The following THSD7A variants were observed in gnomAD, a reference collection of about 807,000 sequenced individuals.
THSD7A encodes the protein thrombospondin type-1 domain-containing protein 7A.
THSD7A carries 96 observed loss-of-function variants against 231.3 expected under a neutral mutation model. The observed-to-expected ratio is 0.41, with a 90% confidence interval of 0.35 to 0.49. The LOEUF (loss-of-function observed/expected upper bound fraction) is 0.49. Ranked by LOEUF, THSD7A falls within the 20% of genes least tolerant of loss-of-function variation. The pLI, the probability that THSD7A is intolerant of heterozygous loss-of-function variation, is 0.05. For missense variants in THSD7A, 2,290 were observed against 2,070.2 expected (o/e 1.11, Z -2.06); for synonymous variants, 940 against 743.3 (o/e 1.26, Z -4.30).
Position 11,832,049 on chromosome 7 carries a change from T to G in THSD7A, c.-103A>C. 6 of 745,610 alleles carry G rather than the reference T, an allele frequency of 8.0e-6. No individual in the cohort carries two copies. The highest frequency in any genetic ancestry group is 6.6e-5 in the South Asian group (1 of 15,180). 46.2% of individuals were successfully genotyped at this position (745,610 alleles called of 1,614,324 possible). The stretch of plus-strand genomic sequence containing the variant: ...TCAAAGAGTACAGAAAGCAAAGCTC[T>G]TTCCTGCTATTGTTCGCTTCAGATG... On this transcript the variant is annotated 5_prime_UTR_variant, in exon 1 of 28. Coordinates refer to ENST00000423059, the MANE Select transcript of THSD7A (RefSeq NM_015204.3).
chr7:11,601,730 T>C (rs1048741091), intron 2 of THSD7A, among the ~76,000 whole-genome samples: 6 of 152,188 alleles, frequency 3.9e-5, no homozygotes, highest in African/African-American at 1.2e-4. Context: ...GTGTGACTTA[T>C]GGTAGACGTC....
chr7:11,735,138 T>C (rs1194304696), intron 1 of THSD7A, among the ~76,000 whole-genome samples: 2 of 151,946 alleles, frequency 1.3e-5, no homozygotes. Context: ...TCTTGGAGTG[T>C]CACCAAATCA....
rs1038688962 is a variant in THSD7A at position 11,831,339 on chromosome 7, T to C, written c.190+418A>G. Among the ~76,000 whole-genome samples the C allele has an allele frequency of 2.1e-4, 32 of 152,202 alleles. No homozygotes were observed. The highest frequency in any genetic ancestry group is 7.7e-4 in the African/African-American group (32 of 41,448). On this transcript the variant is annotated intron_variant, in intron 1 of 27. Transcript: ENST00000423059. The surrounding 1 kb of genome is among the most constrained non-coding windows in gnomAD (Gnocchi z 5.0). ...ATATCACAAAGCTAAAGTTAACAAATTCAACTCTATATCCACAAATGTCAT... is the reference window on the plus strand; with the variant it reads ...ATATCACAAAGCTAAAGTTAACAAACTCAACTCTATATCCACAAATGTCAT...
At chr7:11,738,720 C>T (rs184261556) in intron 1 of THSD7A, among the ~76,000 whole-genome samples, 53 of 152,066 alleles carry the variant, frequency 3.5e-4, no homozygotes, top group Admixed American at 3.5e-3. Context: ...TTTGAAGATG[C>T]TATGCCACTG....
intron 6 of THSD7A, among the ~76,000 whole-genome samples, chr7:11,489,624 T>C (rs1011346587): frequency 3.9e-5 from 6 of 152,022 alleles, no homozygotes; most frequent in Non-Finnish European, 7.4e-5. Flanking sequence ...GGACTAATCA[T>C]AGAGAAAAGC....
At chr7:11,674,795 A>C (rs1462518744) in intron 1 of THSD7A, among the ~76,000 whole-genome samples, 1 of 152,218 alleles carries the variant, frequency 6.6e-6, no homozygotes, top group Non-Finnish European at 1.5e-5. Flanking sequence ...CTAGAACCCT[A>C]GCAATGGATT....
chr7:11,721,547 C>A (rs6977419), intron 1 of THSD7A, among the ~76,000 whole-genome samples: 60,649 of 150,136 alleles, frequency 0.4, 12,566 homozygotes, highest in South Asian at 0.51. Context: ...CTCTTTTCTT[C>A]ATAAGTTACC....
intron 6 of THSD7A, among the ~76,000 whole-genome samples, chr7:11,505,079 G>T (rs1405168804): frequency 6.6e-6 from 1 of 152,122 alleles, no homozygotes; most frequent in African/African-American, 2.4e-5. Context: ...GGTTCGGTAG[G>T]AAGTTAAGCA....
At chr7:11,487,710 G>A (rs532823360) in intron 6 of THSD7A, among the ~76,000 whole-genome samples, 4 of 152,126 alleles carry the variant, frequency 2.6e-5, no homozygotes, top group Non-Finnish European at 5.9e-5. Context: ...GAGAGCTTGT[G>A]CAGGGGAACT....
intron 9 of THSD7A, among the ~76,000 whole-genome samples, chr7:11,463,760 C>A (rs1047610459): frequency 3.9e-5 from 6 of 152,096 alleles, no homozygotes; most frequent in Non-Finnish European, 8.8e-5. Flanking sequence ...ATGCCAGCTG[C>A]AACTTTTACA....
intron 1 of THSD7A, among the ~76,000 whole-genome samples, chr7:11,698,782 T>C (rs940448336): frequency 5.9e-5 from 9 of 151,318 alleles, no homozygotes; most frequent in Admixed American, 2.6e-4. Flanking sequence ...ATTTCAGAAA[T>C]GGTAATGTGA....
chr7:11,434,118 AT>A (rs577816543), intron 13 of THSD7A, among the ~76,000 whole-genome samples: 51 of 152,122 alleles, frequency 3.4e-4, no homozygotes, highest in Non-Finnish European at 5.4e-4. Context: ...TGCTCAGATC[AT>A]TTTTTAGGGC....
rs554703162 is a variant in THSD7A at position 11,644,039 on chromosome 7, T to C, written c.191-7078A>G. Among the ~76,000 whole-genome samples, 795 of 116,124 alleles carry C rather than the reference T, an allele frequency of 6.8e-3. 5 individuals are homozygous for C. The highest frequency in any genetic ancestry group is 0.012 in the Middle Eastern group (3 of 252). The allele number at this position is 116,124 out of a possible 152,430, so 76.2% of individuals were successfully genotyped here. A position where few individuals can be genotyped will look rare whatever the true frequency, so the allele number is the denominator to read the frequency against. On this transcript the variant is annotated intron_variant, in intron 1 of 27. Transcript: ENST00000423059. Reference sequence around the variant, plus strand: ...TGTGCTTATTTTCTTGGAGGGTTCATCCTTTGACTAAAAAAAAAAAAAAAC... The same window carrying C: ...TGTGCTTATTTTCTTGGAGGGTTCACCCTTTGACTAAAAAAAAAAAAAAAC...
rs1780915844 is a variant in THSD7A at position 11,710,445 on chromosome 7, A to C, written c.191-73484T>G. Among the ~76,000 whole-genome samples the C allele has an allele frequency of 1.3e-5, 2 of 150,920 alleles. 1 individual carries two copies. The highest frequency in any genetic ancestry group is 4.1e-4 in the South Asian group (2 of 4,826). Reference sequence around the variant, plus strand: ...TAAGTCTCAGAAATAAAATGTAGCAAGAGATAATATAAATCTTCCTTTGCA... The same window carrying C: ...TAAGTCTCAGAAATAAAATGTAGCACGAGATAATATAAATCTTCCTTTGCA... On this transcript the variant is annotated intron_variant, in intron 1 of 27. Coordinates refer to ENST00000423059, the MANE Select transcript of THSD7A (RefSeq NM_015204.3).
Position 11,374,776 on chromosome 7 carries a change from C to T in THSD7A, c.*1018G>A, listed in dbSNP as rs1472673887. 1.3e-5 allele frequency: 2 copies of T among 152,072 alleles called. No homozygotes were observed. Among genetic ancestry groups the T allele is most frequent in the East Asian group, 1.9e-4 (1 of 5,188 alleles). The allele number at this position is 152,072 out of a possible 1,614,324, so 9.4% of individuals were successfully genotyped here. On this transcript the variant is annotated 3_prime_UTR_variant, in exon 28 of 28. Coordinates refer to ENST00000423059, the MANE Select transcript of THSD7A (RefSeq NM_015204.3). ...TAAATTACCGCCATGTTGTCAATTT[C>T]ACAATGGCTGCAGTGATGAGGAAGT...
chr7:11,641,699 T>C (rs1395182201), intron 1 of THSD7A, among the ~76,000 whole-genome samples: 3 of 150,796 alleles, frequency 2.0e-5, no homozygotes, highest in East Asian at 1.9e-4. Flanking sequence ...ATAAAATGCA[T>C]GAAGGCACCA....
chr7:11,428,608 G>A (rs1784390572), intron 14 of THSD7A, among the ~76,000 whole-genome samples: 1 of 152,100 alleles, frequency 6.6e-6, no homozygotes, highest in Admixed American at 6.5e-5. Flanking sequence ...TGACAGTTTG[G>A]GGAAACTATA....
chr7:11,727,136 C>T (rs963105931), intron 1 of THSD7A, among the ~76,000 whole-genome samples: 1 of 151,936 alleles, frequency 6.6e-6, no homozygotes, highest in South Asian at 2.1e-4. Context: ...TAGGCTGTCA[C>T]GGAGAAGAAT....
chr7:11,702,890 C>T (rs1264162993), intron 1 of THSD7A, among the ~76,000 whole-genome samples: 1 of 151,198 alleles, frequency 6.6e-6, no homozygotes, highest in African/African-American at 2.4e-5. Flanking sequence ...CACTTACTTC[C>T]TCAGACTTCT....
Sources: allele counts gnomAD v4.1 joint callset (sites outside exome capture counted in the v4.1 genomes callset), GRCh38; gene constraint gnomAD v4.1.1; non-coding constraint Gnocchi (gnomAD v3.1); transcripts MANE v1.5; gene names NCBI Gene and HGNC (gene_info 2026-07-23, HGNC 2026-07-21).